The following STON2 variants were observed in gnomAD, a reference collection of about 807,000 sequenced individuals.
STON2 encodes stonin 2, also known as stonin-2.
In STON2, 29 loss-of-function variants were observed where a neutral mutation model predicts 65.7. The observed-to-expected ratio is 0.44, with a 90% CI of 0.33 to 0.60. The LOEUF (loss-of-function observed/expected upper bound fraction) is 0.60. Ranked by LOEUF, STON2 falls within the 20% of genes least tolerant of loss-of-function variation. The pLI is 0.03. For synonymous variants in STON2, 404 were observed against 414.2 expected (o/e 0.98, Z 0.30); for missense variants, 1,054 against 1,118.1 (o/e 0.94, Z 0.82).
chr14:81,370,269 A>AG (rs1898924004), intron 4 of STON2, among the ~76,000 whole-genome samples: 1 of 152,194 alleles, frequency 6.6e-6, no homozygotes, highest in South Asian at 2.1e-4. Context: ...CACTTTCAGA[A>AG]GAAACCAATC....
At chr14:81,410,302 A>AG (rs1238769056) in intron 2 of STON2, among the ~76,000 whole-genome samples, 1 of 150,968 alleles carries the variant, frequency 6.6e-6, no homozygotes, top group African/African-American at 2.4e-5. Flanking sequence ...AAAAAAAAAA[A>AG]AAAAACAGAA....
intron 3 of STON2, among the ~76,000 whole-genome samples, chr14:81,393,544 T>C (rs1011794303): frequency 2.0e-5 from 3 of 152,220 alleles, no homozygotes; most frequent in Non-Finnish European, 4.4e-5. Context: ...ACAATCTTGG[T>C]TGAATTCCCA....
chr14:81,352,603 GT>G (rs1898066803), intron 4 of STON2, among the ~76,000 whole-genome samples: 1 of 152,138 alleles, frequency 6.6e-6, no homozygotes, highest in African/African-American at 2.4e-5. Flanking sequence ...GCTGCATAAC[GT>G]TGACAAGCCT....
At chr14:81,320,905 C>G (rs1896799864) in intron 5 of STON2, among the ~76,000 whole-genome samples, 1 of 152,144 alleles carries the variant, frequency 6.6e-6, no homozygotes, top group African/African-American at 2.4e-5. Context: ...CACACAAGAC[C>G]AGCAAATAAC....
Position 81,398,279 on chromosome 14 carries a change from C to G in STON2, c.88+16G>C, listed in dbSNP as rs372729546. The G allele has an allele frequency of 6.3e-7, 1 of 1,590,416 alleles. No individual in the cohort carries two copies. Among genetic ancestry groups the G allele is most frequent in the African/African-American group, 1.3e-5 (1 of 74,242 alleles). Reference sequence around the variant, plus strand: ...TTGACAATCTCTTCACTTTAGGAAACGAAGGCACTCCTTACCCTGCGAGTG... The same window carrying G: ...TTGACAATCTCTTCACTTTAGGAAAGGAAGGCACTCCTTACCCTGCGAGTG... On this transcript the variant is annotated intron_variant, in intron 2 of 7. Coordinates refer to ENST00000614646, the MANE Select transcript of STON2 (RefSeq NM_001394390.1).
rs1198474549 is a variant in STON2, at chr14:81,266,640, G to T, written c.*1774C>A. ...CATTTAGATATGGACTAGATGGAGG[G>T]TTAATAAAAGCATGTAAGGCTTTTA... On this transcript the variant is annotated 3_prime_UTR_variant, in exon 8 of 8. Coordinates refer to ENST00000614646, the MANE Select transcript of STON2 (RefSeq NM_001394390.1). 3.1e-6 allele frequency: 3 copies of T among 979,326 alleles called. No homozygotes were observed. The highest frequency in any genetic ancestry group is 3.6e-6 in the Non-Finnish European group (3 of 824,458). 60.7% of individuals were successfully genotyped at this position (979,326 alleles called of 1,614,324 possible).
intron 3 of STON2, among the ~76,000 whole-genome samples, chr14:81,394,492 A>G (rs2140432963): frequency 6.6e-6 from 1 of 152,246 alleles, no homozygotes; most frequent in East Asian, 1.9e-4. Flanking sequence ...AGAACCTGTG[A>G]ATATGTTACT....
intron 4 of STON2, among the ~76,000 whole-genome samples, chr14:81,326,054 T>A (rs1335887222): frequency 2.6e-5 from 4 of 152,182 alleles, no homozygotes; most frequent in African/African-American, 4.8e-5. Flanking sequence ...GCTATTATTA[T>A]CCTCATTTTA....
intron 4 of STON2, among the ~76,000 whole-genome samples, chr14:81,338,362 C>A (rs1897455845): frequency 6.6e-6 from 1 of 152,158 alleles, no homozygotes; most frequent in Non-Finnish European, 1.5e-5. Context: ...ACCAAAAGGA[C>A]AGGGTTCAGG....
intron 2 of STON2, among the ~76,000 whole-genome samples, chr14:81,411,167 T>A (rs1009793646): frequency 6.6e-6 from 1 of 152,160 alleles, no homozygotes; most frequent in Admixed American, 6.5e-5. Flanking sequence ...AGGAGGCCAA[T>A]GGCAATTCAA....
rs112565126 is a variant in STON2, at chr14:81,289,433, T to C, written c.743-10694A>G. Among the ~76,000 whole-genome samples, 7 of 152,070 alleles carry C rather than the reference T, an allele frequency of 4.6e-5. No homozygotes were observed. The East Asian group carries it at 7.8e-4, about 17-fold the overall frequency. On this transcript the variant is annotated intron_variant, in intron 5 of 7. Transcript: ENST00000614646. ...GACTGGTCAGTGGTGGGAAAAACTA[T>C]AGGGAAAGGACGCAAACCTTCTGAA...
chr14:81,310,988 T>C (rs1397542786), intron 5 of STON2, among the ~76,000 whole-genome samples: 1 of 152,232 alleles, frequency 6.6e-6, no homozygotes, highest in East Asian at 1.9e-4. Flanking sequence ...CGGGTGCCAC[T>C]GATATCCCTC....
chr14:81,316,473 C>G (rs1377702841), intron 5 of STON2, among the ~76,000 whole-genome samples: 1 of 152,108 alleles, frequency 6.6e-6, no homozygotes, highest in Non-Finnish European at 1.5e-5. Flanking sequence ...TTAGGAAGAT[C>G]AACTCAGTAA....
chr14:81,293,826 A>G (rs1044538986), intron 5 of STON2, among the ~76,000 whole-genome samples: 8 of 152,174 alleles, frequency 5.3e-5, no homozygotes, highest in African/African-American at 1.9e-4. Context: ...TGAGGAGGTC[A>G]GCTGAGCCTA....
chr14:81,371,272 C>T, intron 3 of STON2, 87 bp from the exon 4 acceptor site: 1 of 1,241,576 alleles, frequency 8.1e-7, no homozygotes, highest in Non-Finnish European at 1.1e-6. Flanking sequence ...TGATGTTGCT[C>T]ACATCATATG....
At chr14:81,411,433 G>A (rs1422054792) in intron 2 of STON2, among the ~76,000 whole-genome samples, 3 of 152,216 alleles carry the variant, frequency 2.0e-5, no homozygotes, top group African/African-American at 4.8e-5. Flanking sequence ...AGGGCTGGGC[G>A]CACTGGCTCA....
chr14:81,306,091 C>T (rs1379131318), intron 5 of STON2, among the ~76,000 whole-genome samples: 1 of 150,816 alleles, frequency 6.6e-6, no homozygotes, highest in Non-Finnish European at 1.5e-5. Context: ...CCTCAACTTG[C>T]AATACACTCT....
intron 1 of STON2, among the ~76,000 whole-genome samples, chr14:81,433,921 C>G (rs185375072): frequency 1.3e-5 from 2 of 152,180 alleles, no homozygotes; most frequent in Non-Finnish European, 2.9e-5. Flanking sequence ...TCACTTCTCT[C>G]AGTCTGGAAT....
At chr14:81,330,636 A>G (rs1897177874) in intron 4 of STON2, among the ~76,000 whole-genome samples, 2 of 152,178 alleles carry the variant, frequency 1.3e-5, no homozygotes, top group Admixed American at 6.5e-5. Flanking sequence ...GCCAGTGTCC[A>G]CCTCAAATTT....
Sources: gnomAD v4.1 joint callset for allele counts (sites outside exome capture counted in the v4.1 genomes callset) on GRCh38, gnomAD v4.1.1 for gene constraint, MANE v1.5 for transcripts, NCBI Gene and HGNC (gene_info 2026-07-23, HGNC 2026-07-21) for gene names.